The following RASGEF1C variants were observed in gnomAD, a reference collection of about 807,000 sequenced individuals.
RASGEF1C encodes ras-GEF domain-containing family member 1C.
A neutral mutation model predicts 58.1 loss-of-function variants in RASGEF1C; 27 were observed. That is an observed-to-expected ratio of 0.46 (90% confidence interval 0.34 to 0.64). RASGEF1C has a LOEUF of 0.64. RASGEF1C is among the 30% of genes least tolerant of loss of function. RASGEF1C has a pLI of 0.01. For synonymous variants in RASGEF1C, 243 were observed against 246.3 expected (o/e 0.99, Z 0.13); for missense variants, 502 against 605.1 (o/e 0.83, Z 1.79).
chr5:180,179,519 C>T (rs56322136), intron 1 of RASGEF1C, among the ~76,000 whole-genome samples: 2 of 152,108 alleles, frequency 1.3e-5, no homozygotes, highest in Admixed American at 6.5e-5. Context: ...CAGCCTGCAC[C>T]GACACCTTTG....
intron 1 of RASGEF1C, among the ~76,000 whole-genome samples, chr5:180,185,540 G>A (rs972593996): frequency 2.6e-5 from 4 of 151,978 alleles, no homozygotes; most frequent in African/African-American, 7.3e-5. Context: ...AGCCAAGATT[G>A]TGCCATTGCA....
chr5:180,152,336 G>A (rs934176627), intron 1 of RASGEF1C, among the ~76,000 whole-genome samples: 10 of 152,184 alleles, frequency 6.6e-5, no homozygotes, highest in Admixed American at 4.6e-4. Flanking sequence ...ATGATAGACT[G>A]GATTAAGAAA....
chr5:180,178,488 C>A (rs891060361), intron 1 of RASGEF1C, among the ~76,000 whole-genome samples: 5 of 150,620 alleles, frequency 3.3e-5, no homozygotes, highest in African/African-American at 1.2e-4. Context: ...CCATGTTGGC[C>A]AGGCTGGTCT....
At chr5:180,192,469 G>A (rs1756180903) in intron 1 of RASGEF1C, among the ~76,000 whole-genome samples, 1 of 151,998 alleles carries the variant, frequency 6.6e-6, no homozygotes, top group African/African-American at 2.4e-5. Flanking sequence ...TGAAAAAAGA[G>A]GCCTATAAAA....
In RASGEF1C at chr5:180,181,702, A is replaced by C. The variant is rs538762675; in HGVS notation, c.-7+27326T>G. On this transcript the variant is annotated intron_variant, in intron 1 of 13. Coordinates refer to ENST00000361132, the MANE Select transcript of RASGEF1C (RefSeq NM_175062.4). ...AATGTGTCCCATGAGCCCCTGATCC[A>C]GAACTCCAAATGAGAGAACACATTT... 2.0e-5 allele frequency among the ~76,000 whole-genome samples: 3 copies of C among 152,362 alleles called. No homozygotes were observed. The East Asian group carries it at 5.8e-4, about 29-fold the overall frequency.
intron 1 of RASGEF1C, among the ~76,000 whole-genome samples, chr5:180,152,098 G>A (rs1368294535): frequency 2.0e-5 from 3 of 151,244 alleles, no homozygotes; most frequent in Admixed American, 6.6e-5. Flanking sequence ...TGGAGAAATA[G>A]GAACACTTTT....
chr5:180,195,223 C>T (rs1279789116), intron 1 of RASGEF1C, among the ~76,000 whole-genome samples: 2 of 152,132 alleles, frequency 1.3e-5, no homozygotes, highest in Non-Finnish European at 2.9e-5. Context: ...AGCTGACTCC[C>T]ACTGCAGCCC....
intron 1 of RASGEF1C, among the ~76,000 whole-genome samples, chr5:180,148,463 C>A (rs1766693013): frequency 6.6e-6 from 1 of 151,380 alleles, no homozygotes; most frequent in Non-Finnish European, 1.5e-5. Flanking sequence ...TGTGGTGAAA[C>A]ATTAATTCCT....
rs2278662 is a variant in RASGEF1C at position 180,100,895 on chromosome 5, T to C, written c.*606A>G. 0.81 allele frequency: 125,036 copies of C among 154,130 alleles called. 51,137 individuals are homozygous for C. Among genetic ancestry groups the C allele is most frequent in the South Asian group, 0.94 (4,611 of 4,922 alleles). The allele number at this position is 154,130 out of a possible 1,614,324, so 9.5% of individuals were successfully genotyped here. A position where few individuals can be genotyped will look rare whatever the true frequency, so the allele number is the denominator to read the frequency against. On this transcript the variant is annotated 3_prime_UTR_variant, in exon 14 of 14. Coordinates refer to ENST00000361132, the MANE Select transcript of RASGEF1C (RefSeq NM_175062.4). ...AACTCCATGTGTCCAGTTTGTCCTG[T>C]TGACGCGTTCCACAGCTGTCACCGG...
In RASGEF1C at chr5:180,137,317, C is replaced by T. The variant is rs1005598073; in HGVS notation, c.300+273G>A. Among the ~76,000 whole-genome samples, 15 of 152,150 alleles carry T rather than the reference C, an allele frequency of 9.9e-5. No homozygotes were observed. Among genetic ancestry groups the T allele is most frequent in the African/African-American group, 2.7e-4 (11 of 41,426 alleles). On this transcript the variant is annotated intron_variant, in intron 3 of 13. Coordinates refer to ENST00000361132, the MANE Select transcript of RASGEF1C (RefSeq NM_175062.4). The surrounding 1 kb of genome is among the most constrained non-coding windows in gnomAD (Gnocchi z 4.1). Reference sequence around the variant, plus strand: ...CACCAGAGGCAGCAGGCCCTCCCGGCCACAGATGGGTCCTACTGACCGGGC... The same window carrying T: ...CACCAGAGGCAGCAGGCCCTCCCGGTCACAGATGGGTCCTACTGACCGGGC...
At chr5:180,184,866 T>A (rs982050909) in intron 1 of RASGEF1C, among the ~76,000 whole-genome samples, 10 of 152,262 alleles carry the variant, frequency 6.6e-5, no homozygotes, top group Non-Finnish European at 8.8e-5. Flanking sequence ...CTTAAGCATG[T>A]GTTCACCTAA....
At chr5:180,130,811 C>T (rs1196173666) in intron 4 of RASGEF1C, among the ~76,000 whole-genome samples, 1 of 152,136 alleles carries the variant, frequency 6.6e-6, no homozygotes. Context: ...TGCAGTCTCC[C>T]TCTGATCTCC....
chr5:180,173,209 C>A (rs978742676), intron 1 of RASGEF1C, among the ~76,000 whole-genome samples: 3 of 152,234 alleles, frequency 2.0e-5, no homozygotes, highest in African/African-American at 4.8e-5. Flanking sequence ...TGCTTTCCTG[C>A]AAAAACTCAG....
intron 1 of RASGEF1C, among the ~76,000 whole-genome samples, chr5:180,141,719 C>CTTTT (rs55986031): frequency 1.4e-5 from 2 of 146,126 alleles, no homozygotes; most frequent in African/African-American, 5.1e-5. Flanking sequence ...TTTTATCACA[C>CTTTT]TTTTTTTTTT....
At chr5:180,113,996 T>C (rs996284343) in intron 11 of RASGEF1C, among the ~76,000 whole-genome samples, 2 of 152,074 alleles carry the variant, frequency 1.3e-5, no homozygotes. Flanking sequence ...CTGAGAGTGG[T>C]GAGTGTCTAC....
Position 180,209,093 on chromosome 5 carries a change from C to T in RASGEF1C, c.-72G>A, listed in dbSNP as rs1756551454. 7.0e-6 allele frequency: 1 copy of T among 143,356 alleles called. No individual in the cohort carries two copies. The highest frequency in any genetic ancestry group is 2.5e-5 in the African/African-American group (1 of 39,216). The allele number at this position is 143,356 out of a possible 1,614,324, so 8.9% of individuals were successfully genotyped here. On this transcript the variant is annotated 5_prime_UTR_variant, in exon 1 of 14. Coordinates refer to ENST00000361132, the MANE Select transcript of RASGEF1C (RefSeq NM_175062.4). The stretch of plus-strand genomic sequence containing the variant: ...CAGCTCCCGGTGCGAGCCTCGGCGC[C>T]GCGGACCGGGGCGCCGCCCGCCGCC...
At position 180,168,090 on chromosome 5, in the gene RASGEF1C, G is replaced by A. The variant is rs1221409339; in HGVS notation, c.-6-30032C>T. On this transcript the variant is annotated intron_variant, in intron 1 of 13. Coordinates refer to ENST00000361132, the MANE Select transcript of RASGEF1C (RefSeq NM_175062.4). The surrounding 1 kb of genome is among the most constrained non-coding windows in gnomAD (Gnocchi z 6.0). ...TCCTGCAGCTTAAGGATAAGCCCAGGAATTAATAAACAACTCTCAAAAACA... is the reference window on the plus strand; with the variant it reads ...TCCTGCAGCTTAAGGATAAGCCCAGAAATTAATAAACAACTCTCAAAAACA... Among the ~76,000 whole-genome samples, 1 of 151,630 alleles carries A rather than the reference G, an allele frequency of 6.6e-6. No homozygotes were observed.
At chr5:180,120,060 G>A (rs1012265252) in intron 7 of RASGEF1C, among the ~76,000 whole-genome samples, 8 of 152,068 alleles carry the variant, frequency 5.3e-5, no homozygotes, top group Non-Finnish European at 8.8e-5. Context: ...AGCCAGCGGC[G>A]TGAGGGTAGG....
intron 1 of RASGEF1C, among the ~76,000 whole-genome samples, chr5:180,157,444 A>G (rs1766869701): frequency 6.7e-6 from 1 of 148,362 alleles, no homozygotes; most frequent in Non-Finnish European, 1.5e-5. Context: ...CAACATGGAG[A>G]AACCCTGTCT....
Sources: gnomAD v4.1 joint callset for allele counts (sites outside exome capture counted in the v4.1 genomes callset) on GRCh38, gnomAD v4.1.1 for gene constraint, Gnocchi (gnomAD v3.1) non-coding constraint, MANE v1.5 for transcripts, NCBI Gene and HGNC (gene_info 2026-07-23, HGNC 2026-07-21) for gene names.